RNLS: variants seen among roughly 807,000 people sequenced by gnomAD.
RNLS encodes the protein renalase.
Under a neutral mutation model 39.8 loss-of-function variants are expected in RNLS, and 39 were observed. That is an observed-to-expected ratio of 0.98 (90% confidence interval 0.76 to 1.28). The LOEUF is 1.28. Ranked by LOEUF, RNLS falls within the 50% of genes most tolerant of loss-of-function variation. RNLS has a pLI of 0.00. For missense variants in RNLS, 410 were observed against 413.3 expected, an observed-to-expected ratio of 0.99 and a Z score of 0.07; for synonymous variants, 147 against 150.7, an observed-to-expected ratio of 0.98 and a Z score of 0.18.
intron 3 of RNLS, among the ~76,000 whole-genome samples, chr10:88,578,973 A>G (rs1486096938): frequency 6.6e-6 from 1 of 152,184 alleles, no homozygotes; most frequent in African/African-American, 2.4e-5. Flanking sequence ...GTATATATGC[A>G]TGTGTAGGGG....
At chr10:88,450,894 A>G (rs1842323871) in intron 4 of RNLS, among the ~76,000 whole-genome samples, 1 of 152,160 alleles carries the variant, frequency 6.6e-6, no homozygotes. Context: ...TAGGATAGGG[A>G]GAGTTGTCAG....
intron 4 of RNLS, among the ~76,000 whole-genome samples, chr10:88,480,768 A>C (rs914658128): frequency 1.4e-5 from 2 of 142,666 alleles, no homozygotes; most frequent in African/African-American, 5.4e-5. Flanking sequence ...CTGCATTAGT[A>C]CTGTTTATTC....
chr10:88,265,497 C>T, the RNLS span, among the ~76,000 whole-genome samples: 1 of 151,798 alleles, frequency 6.6e-6, no homozygotes, highest in East Asian at 1.9e-4. Context: ...GGATGTGTTT[C>T]CATTTGTTTG....
At chr10:88,410,935 G>A (rs1416969725) in intron 4 of RNLS, among the ~76,000 whole-genome samples, 2 of 152,116 alleles carry the variant, frequency 1.3e-5, no homozygotes, top group African/African-American at 4.8e-5. Flanking sequence ...ATCTTTATAA[G>A]AGAGTTAAAG....
chr10:88,288,880 G>T (rs534652684), intron 6 of RNLS, among the ~76,000 whole-genome samples: 1 of 152,316 alleles, frequency 6.6e-6, no homozygotes, highest in Admixed American at 6.5e-5. Flanking sequence ...CCCATGTAAA[G>T]TAAGAGCCCT....
chr10:88,414,273 C>T (rs1284966268), intron 4 of RNLS, among the ~76,000 whole-genome samples: 1 of 150,566 alleles, frequency 6.6e-6, no homozygotes, highest in South Asian at 2.1e-4. Context: ...GTTGACAAAA[C>T]ATGAGAGATT....
chr10:88,383,627 A>C (rs538275195), intron 4 of RNLS, among the ~76,000 whole-genome samples: 1 of 152,268 alleles, frequency 6.6e-6, no homozygotes, highest in East Asian at 1.9e-4. Context: ...CTTATTTCAA[A>C]ATCCATTTAA....
At chr10:88,519,271 T>A (rs561898655) in intron 4 of RNLS, among the ~76,000 whole-genome samples, 2 of 152,096 alleles carry the variant, frequency 1.3e-5, no homozygotes, top group African/African-American at 4.8e-5. Flanking sequence ...ATTAGAAATG[T>A]TTGCACACTT....
chr10:88,345,041 A>G (rs1206968718), intron 5 of RNLS, among the ~76,000 whole-genome samples: 1 of 152,142 alleles, frequency 6.6e-6, no homozygotes, highest in Non-Finnish European at 1.5e-5. Context: ...ACGATTTTAG[A>G]GGGCATATAA....
chr10:88,456,651 G>C (rs1253269973), intron 4 of RNLS, among the ~76,000 whole-genome samples: 1 of 152,076 alleles, frequency 6.6e-6, no homozygotes, highest in African/African-American at 2.4e-5. Flanking sequence ...ATACAGCAAG[G>C]GCCAGGCCTG....
At chr10:88,495,129 T>C (rs1294905076) in intron 4 of RNLS, among the ~76,000 whole-genome samples, 1 of 152,180 alleles carries the variant, frequency 6.6e-6, no homozygotes, top group Non-Finnish European at 1.5e-5. Context: ...TACCTAATTT[T>C]AGATATGTTA....
Position 88,577,305 on chromosome 10 carries a change from G to C in RNLS, c.368-4244C>G, listed in dbSNP as rs186312295. On this transcript the variant is annotated intron_variant, in intron 3 of 6. Transcript: ENST00000331772. ...TAGGAAAATAATCAATAAGGAAAGA[G>C]AAGGCTCTACAAAATAGATGTTAAA... Among the ~76,000 whole-genome samples, 220 of 152,272 alleles carry C rather than the reference G, an allele frequency of 1.4e-3. 1 individual carries two copies. The highest frequency in any genetic ancestry group is 4.8e-3 in the African/African-American group (201 of 41,572).
At chr10:88,320,009 GAA>G in intron 5 of RNLS, among the ~76,000 whole-genome samples, 1 of 150,116 alleles carries the variant, frequency 6.7e-6, no homozygotes, top group South Asian at 2.1e-4. Context: ...AGGTCAACAT[GAA>G]AAAAAAATTC....
chr10:88,280,785 T>A (rs1842984038), downstream of RNLS, among the ~76,000 whole-genome samples: 1 of 152,228 alleles, frequency 6.6e-6, no homozygotes, highest in Non-Finnish European at 1.5e-5. Context: ...GTTGTCTTTG[T>A]TGTTGTTATT....
At chr10:88,249,645 T>C in the RNLS span, among the ~76,000 whole-genome samples, 1 of 152,182 alleles carries the variant, frequency 6.6e-6, no homozygotes, top group South Asian at 2.1e-4. Flanking sequence ...AGACTAAGAC[T>C]GCTGGCTAGA....
chr10:88,173,993 AT>A, the RNLS span, among the ~76,000 whole-genome samples: 3,497 of 143,974 alleles, frequency 0.024, 107 homozygotes, highest in African/African-American at 0.076. Flanking sequence ...ATTCCTTGGT[AT>A]TTTTTTTTTT....
At chr10:88,476,944 A>T (rs554800944) in intron 4 of RNLS, among the ~76,000 whole-genome samples, 1 of 152,046 alleles carries the variant, frequency 6.6e-6, no homozygotes, top group South Asian at 2.1e-4. Context: ...ATTTAAACAG[A>T]GATAAGCTTG....
chr10:88,431,932 T>C (rs1001173328), intron 4 of RNLS, among the ~76,000 whole-genome samples: 1 of 151,798 alleles, frequency 6.6e-6, no homozygotes, highest in African/African-American at 2.4e-5. Flanking sequence ...AAGGAATGTG[T>C]ATTCTGTCGT....
At position 88,553,742 on chromosome 10, in the gene RNLS, G is replaced by A. The variant is rs542649174; in HGVS notation, c.526+19161C>T. Among the ~76,000 whole-genome samples, 158 of 152,156 alleles carry A rather than the reference G, an allele frequency of 1.0e-3. 1 individual carries two copies. In the Middle Eastern group the frequency reaches 0.02, roughly 20 times the overall value. On this transcript the variant is annotated intron_variant, in intron 4 of 6. Transcript: ENST00000331772. ...TAATTCTACATTGTACCACATAGAA[G>A]CCTGGTTCTTTAAATATATTAGTTC...
Sources: allele counts gnomAD v4.1 joint callset (sites outside exome capture counted in the v4.1 genomes callset), GRCh38; gene constraint gnomAD v4.1.1; transcripts MANE v1.5; gene names NCBI Gene and HGNC (gene_info 2026-07-23, HGNC 2026-07-21).